The following ITK variants were observed in gnomAD, a reference collection of about 807,000 sequenced individuals.
ITK encodes the protein tyrosine-protein kinase ITK/TSK.
In ITK, 45 loss-of-function variants were observed where a neutral mutation model predicts 87.6. That is an observed-to-expected ratio of 0.51 (90% CI 0.40 to 0.66). ITK has a LOEUF of 0.66. Ranked by LOEUF, ITK falls within the 30% of genes least tolerant of loss-of-function variation. The probability of loss-of-function intolerance (pLI) is 0.00; values close to 1 mark genes in which losing one functional copy is unlikely to be tolerated. For missense variants in ITK, 605 were observed against 766.3 expected (o/e 0.79, Z 2.48); for synonymous variants, 303 against 273.6 (o/e 1.11, Z -1.06).
In ITK at chr5:157,211,418, T is replaced by G. The variant is rs369847559; in HGVS notation, c.325+50T>G. 9.2e-6 allele frequency: 13 copies of G among 1,413,146 alleles called. No homozygotes were observed. The African/African-American group carries it at 1.6e-4, about 17-fold the overall frequency. The allele number at this position is 1,413,146 out of a possible 1,614,324, so 87.5% of individuals were successfully genotyped here. On this transcript the variant is annotated intron_variant, in intron 3 of 16. Coordinates refer to ENST00000422843, the MANE Select transcript of ITK (RefSeq NM_005546.4). ...ATCACTGACACTCTTGATCCTATAGTAGGGTTGGGTTCCACAATAGAATAG... is the reference window on the plus strand; with the variant it reads ...ATCACTGACACTCTTGATCCTATAGGAGGGTTGGGTTCCACAATAGAATAG...
Position 157,253,950 on chromosome 5 carries a change from T to G in ITK, c.*1272T>G, listed in dbSNP as rs1755201470. 4 of 221,656 alleles carry G rather than the reference T, an allele frequency of 1.8e-5. No homozygotes were observed. In the South Asian group the frequency reaches 7.3e-4, roughly 41 times the overall value. The allele number at this position is 221,656 out of a possible 1,614,324, so 13.7% of individuals were successfully genotyped here. A position where few individuals can be genotyped will look rare whatever the true frequency, so the allele number is the denominator to read the frequency against. The stretch of plus-strand genomic sequence containing the variant: ...TGTTCACCCTGGGTTCACATCCCCA[T>G]GAGGTAATATTATTATTCCCATTTT... On this transcript the variant is annotated 3_prime_UTR_variant, in exon 17 of 17. Transcript: ENST00000422843.
At chr5:157,207,626 C>A (rs991209591) in intron 1 of ITK, among the ~76,000 whole-genome samples, 1 of 151,896 alleles carries the variant, frequency 6.6e-6, no homozygotes, top group Non-Finnish European at 1.5e-5. Flanking sequence ...GTGATCTTCC[C>A]GTGTCGGCCT....
At chr5:157,243,908 G>A (rs1276869585) in intron 12 of ITK, 114 bp downstream of exon 12, 3 of 956,562 alleles carry the variant, frequency 3.1e-6, no homozygotes, top group South Asian at 1.3e-5. Context: ...ACTCCCAGCA[G>A]TGGCTTCCTA....
At chr5:157,230,454 T>A (rs1298300397) in intron 7 of ITK, among the ~76,000 whole-genome samples, 1 of 152,202 alleles carries the variant, frequency 6.6e-6, no homozygotes, top group East Asian at 1.9e-4. Flanking sequence ...GTCGTGTTAT[T>A]TGTTGCTGAA....
At chr5:157,220,116 T>G (rs1320691574) in intron 5 of ITK, among the ~76,000 whole-genome samples, 4 of 152,218 alleles carry the variant, frequency 2.6e-5, no homozygotes, top group Admixed American at 6.5e-5. Flanking sequence ...ACAGAGAAAC[T>G]GTTTTTAATC....
intron 1 of ITK, among the ~76,000 whole-genome samples, chr5:157,190,919 A>G (rs1580874856): frequency 6.6e-6 from 1 of 152,074 alleles, no homozygotes; most frequent in African/African-American, 2.4e-5. Context: ...TTTGATTCCA[A>G]CTCCCATGAA....
intron 1 of ITK, chr5:157,195,688 T>C (rs1371062898): frequency 1.3e-5 from 2 of 152,226 alleles, no homozygotes; most frequent in African/African-American, 4.8e-5. Context: ...TAAACATTCT[T>C]CTTTTCTTCC....
At chr5:157,215,878 G>A (rs1257036319) in intron 4 of ITK, among the ~76,000 whole-genome samples, 2 of 152,162 alleles carry the variant, frequency 1.3e-5, no homozygotes, top group East Asian at 1.9e-4. Context: ...ATTCCTCTTC[G>A]GGGCGCAAGT....
rs1251977536 is a variant in ITK, at chr5:157,253,015, G to T, written c.*337G>T. The stretch of plus-strand genomic sequence containing the variant: ...TTCTTAGCAACAGAGAGAGACATGA[G>T]TAAGACCCAGATTGCTATTTTTATT... On this transcript the variant is annotated 3_prime_UTR_variant, in exon 17 of 17. Coordinates refer to ENST00000422843, the MANE Select transcript of ITK (RefSeq NM_005546.4). 2.4e-6 allele frequency: 1 copy of T among 409,504 alleles called. No individual in the cohort carries two copies. Among genetic ancestry groups the T allele is most frequent in the Non-Finnish European group, 4.6e-6 (1 of 217,950 alleles). The allele number at this position is 409,504 out of a possible 1,614,324, so 25.4% of individuals were successfully genotyped here.
intron 2 of ITK, among the ~76,000 whole-genome samples, chr5:157,210,920 C>A (rs933568332): frequency 5.3e-5 from 8 of 152,004 alleles, no homozygotes; most frequent in African/African-American, 1.9e-4. Flanking sequence ...TTTCAAAACT[C>A]TCATTGCACA....
chr5:157,254,671 T>G lies in ITK; in HGVS notation c.*1993T>G, dbSNP rs1382728786. 1 of 218,170 alleles carries G rather than the reference T, an allele frequency of 4.6e-6. No homozygotes were observed. Among genetic ancestry groups the G allele is most frequent in the East Asian group, 6.8e-5 (1 of 14,758 alleles). 13.5% of individuals were successfully genotyped at this position (218,170 alleles called of 1,614,324 possible). On this transcript the variant is annotated 3_prime_UTR_variant, in exon 17 of 17. Coordinates refer to ENST00000422843, the MANE Select transcript of ITK (RefSeq NM_005546.4). ...TCAGCTTATCCAAAATTATCTCTGT[T>G]TACTTTTTAGAATTTTGTACATTAT...
intron 1 of ITK, among the ~76,000 whole-genome samples, chr5:157,187,907 C>T (rs1053079890): frequency 6.6e-6 from 1 of 151,974 alleles, no homozygotes; most frequent in African/African-American, 2.4e-5. Context: ...TCAAGTGATC[C>T]TTCTGCCTCA....
At chr5:157,195,930 AT>A (rs1356902411) in intron 1 of ITK, 2 of 152,134 alleles carry the variant, frequency 1.3e-5, no homozygotes, top group African/African-American at 2.4e-5. Context: ...TAGATGTGTC[AT>A]TTTCCATAAA....
chr5:157,196,968 C>T (rs939789376), intron 1 of ITK, among the ~76,000 whole-genome samples: 1 of 152,140 alleles, frequency 6.6e-6, no homozygotes, highest in African/African-American at 2.4e-5. Flanking sequence ...TGGAAAATAT[C>T]ACTTAGTTCT....
chr5:157,246,112 G>T, intron 15 of ITK, 113 bp downstream of exon 15: 1 of 815,154 alleles, frequency 1.2e-6, no homozygotes, highest in South Asian at 1.3e-5. Context: ...TATCATGAGG[G>T]TGTCCCACTG....
chr5:157,181,628 A>G (rs1753522038), intron 1 of ITK, among the ~76,000 whole-genome samples: 1 of 152,140 alleles, frequency 6.6e-6, no homozygotes, highest in Non-Finnish European at 1.5e-5. Context: ...TTGTCTCAAT[A>G]CTCGTCGCTA....
intron 2 of ITK, among the ~76,000 whole-genome samples, chr5:157,210,443 C>T (rs1413734240): frequency 6.6e-6 from 1 of 151,082 alleles, no homozygotes; most frequent in African/African-American, 2.4e-5. Flanking sequence ...TGTTCAAAAT[C>T]TCAATGATAA....
At chr5:157,218,525 A>AC (rs1754347240) in intron 5 of ITK, among the ~76,000 whole-genome samples, 1 of 151,772 alleles carries the variant, frequency 6.6e-6, no homozygotes, top group Non-Finnish European at 1.5e-5. Context: ...AAAAAAAAAA[A>AC]AAACAAGGTG....
At chr5:157,209,691 A>T (rs2113752882) in intron 2 of ITK, among the ~76,000 whole-genome samples, 1 of 152,240 alleles carries the variant, frequency 6.6e-6, no homozygotes, top group South Asian at 2.1e-4. Flanking sequence ...AATTGCTTGG[A>T]GATTCTGAGG....
Sources: gnomAD v4.1 joint callset for allele counts (sites outside exome capture counted in the v4.1 genomes callset) on GRCh38, gnomAD v4.1.1 for gene constraint, MANE v1.5 for transcripts, NCBI Gene and HGNC (gene_info 2026-07-23, HGNC 2026-07-21) for gene names.